Variants in SLC14A2 observed in about 807,000 individuals in gnomAD.
SLC14A2 encodes solute carrier family 14 member 2, also known as urea transporter 2.
In SLC14A2, 91 loss-of-function variants were observed where a neutral mutation model predicts 104.6. The observed-to-expected ratio is 0.87, with a 90% CI of 0.73 to 1.04. The LOEUF is 1.04. SLC14A2 is among the 50% of genes least tolerant of loss of function. The pLI, the probability that SLC14A2 is intolerant of heterozygous loss-of-function variation, is 0.00. For synonymous variants in SLC14A2, 476 were observed against 466.4 expected (o/e 1.02, Z -0.27); for missense variants, 1,189 against 1,156.0 (o/e 1.03, Z -0.41).
chr18:45,177,115 T>TGTCTC, the SLC14A2 span, among the ~76,000 whole-genome samples: 5 of 152,198 alleles, frequency 3.3e-5, no homozygotes, highest in African/African-American at 1.2e-4. Flanking sequence ...CACTCTTCTT[T>TGTCTC]GTCTCCATTC....
At position 45,277,705 on chromosome 18, in the gene SLC14A2, G is replaced by A. The variant is rs191642257; in HGVS notation, c.-125+64514G>A. Reference sequence around the variant, plus strand: ...CTTACAGGCATGAGCCACCGTGACCGGCCTACCTAGTTTGTCTAAGCCTCA... The same window carrying A: ...CTTACAGGCATGAGCCACCGTGACCAGCCTACCTAGTTTGTCTAAGCCTCA... On this transcript the variant is annotated intron_variant, in intron 1 of 20. Coordinates refer to the SLC14A2 transcript ENST00000586448. 1.0e-3 allele frequency among the ~76,000 whole-genome samples: 152 copies of A among 152,230 alleles called. 1 individual carries two copies. The highest frequency in any genetic ancestry group is 3.5e-3 in the African/African-American group (145 of 41,536).
intron 1 of SLC14A2, among the ~76,000 whole-genome samples, chr18:45,395,854 C>G (rs1362837): frequency 0.14 from 22,035 of 152,124 alleles, 2,359 homozygotes; most frequent in African/African-American, 0.29. Context: ...TTCACCCTAA[C>G]TATTCTCTCT....
intron 1 of SLC14A2, among the ~76,000 whole-genome samples, chr18:45,348,521 G>A (rs139538807): frequency 2.3e-4 from 35 of 152,188 alleles, no homozygotes; most frequent in African/African-American, 8.4e-4. Flanking sequence ...ATATCCTATG[G>A]CTGGAATTAT....
chr18:45,621,444 T>C (rs1286479535), intron 1 of SLC14A2, among the ~76,000 whole-genome samples: 3 of 152,236 alleles, frequency 2.0e-5, no homozygotes, highest in Non-Finnish European at 4.4e-5. Context: ...GGGTTCTGCC[T>C]GCAGAAAATG....
chr18:45,223,829 T>A (rs2084087458), intron 1 of SLC14A2, among the ~76,000 whole-genome samples: 2 of 152,222 alleles, frequency 1.3e-5, no homozygotes, highest in Non-Finnish European at 2.9e-5. Context: ...TAGACTCTTC[T>A]GAGCTGAAGT....
chr18:45,426,335 A>C (rs1405172851), intron 1 of SLC14A2, among the ~76,000 whole-genome samples: 1 of 152,062 alleles, frequency 6.6e-6, no homozygotes, highest in African/African-American at 2.4e-5. Flanking sequence ...CATCTAACTT[A>C]TCGAGTGCGT....
intron 2 of SLC14A2, among the ~76,000 whole-genome samples, chr18:45,500,526 G>A (rs1276975791): frequency 7.1e-6 from 1 of 141,462 alleles, no homozygotes; most frequent in African/African-American, 2.6e-5. Context: ...GCAGTGAGCC[G>A]AGATCGCGCC....
intron 2 of SLC14A2, among the ~76,000 whole-genome samples, chr18:45,584,638 C>T (rs1455587720): frequency 2.6e-5 from 4 of 152,206 alleles, no homozygotes; most frequent in Admixed American, 6.5e-5. Context: ...CTCAAGGTGG[C>T]GAATGTAGGG....
chr18:45,327,492 G>T (rs11659257), intron 1 of SLC14A2, among the ~76,000 whole-genome samples: 1 of 151,816 alleles, frequency 6.6e-6, no homozygotes, highest in Non-Finnish European at 1.5e-5. Context: ...AACAGAAACC[G>T]TACTCAAATA....
rs141071636 is a variant in SLC14A2 at position 45,403,949 on chromosome 18, C to G, written c.-124-79284C>G. Among the ~76,000 whole-genome samples the G allele has an allele frequency of 1.6e-4, 24 of 152,306 alleles. No homozygotes were observed. In the East Asian group the frequency reaches 2.9e-3, roughly 18 times the overall value. On this transcript the variant is annotated intron_variant, in intron 1 of 20. Coordinates refer to the SLC14A2 transcript ENST00000586448. ...CATTTTGGCAATGACTCCTTTCTCC[C>G]TATATCTCTGTCCACACCAAGCATC... is the stretch of plus-strand genomic sequence containing the variant.
chr18:45,254,740 C>G (rs373964910), intron 1 of SLC14A2, among the ~76,000 whole-genome samples: 1 of 151,986 alleles, frequency 6.6e-6, no homozygotes, highest in Non-Finnish European at 1.5e-5. Flanking sequence ...TGTGGGGGAC[C>G]GTAAGCCATC....
intron 2 of SLC14A2, among the ~76,000 whole-genome samples, chr18:45,502,001 T>C (rs1161205554): frequency 2.0e-5 from 3 of 152,122 alleles, no homozygotes; most frequent in Admixed American, 6.5e-5. Context: ...GTAAATGTTA[T>C]TGGATTTTTC....
chr18:45,382,563 A>G (rs937818237), intron 1 of SLC14A2, among the ~76,000 whole-genome samples: 2 of 152,174 alleles, frequency 1.3e-5, no homozygotes, highest in Non-Finnish European at 2.9e-5. Context: ...TGTTACCTGG[A>G]GAATAAGGGA....
chr18:45,630,513 G>C (rs951428794), intron 4 of SLC14A2, among the ~76,000 whole-genome samples: 4 of 152,158 alleles, frequency 2.6e-5, no homozygotes, highest in Non-Finnish European at 4.4e-5. Context: ...TGGCACTGGA[G>C]TTGAACCCAA....
intron 2 of SLC14A2, among the ~76,000 whole-genome samples, chr18:45,577,161 G>A (rs1056097566): frequency 2.0e-5 from 3 of 151,484 alleles, no homozygotes; most frequent in African/African-American, 4.9e-5. Flanking sequence ...TTATCTCTAG[G>A]AATTAGCTAA....
intron 1 of SLC14A2, among the ~76,000 whole-genome samples, chr18:45,322,485 CAT>C (rs926885354): frequency 1.3e-5 from 2 of 152,286 alleles, no homozygotes; most frequent in African/African-American, 2.4e-5. Context: ...AACGTTCTGA[CAT>C]GTGGAATTTC....
At chr18:45,345,477 T>C (rs1014907830) in intron 1 of SLC14A2, among the ~76,000 whole-genome samples, 9 of 152,134 alleles carry the variant, frequency 5.9e-5, no homozygotes, top group Admixed American at 5.2e-4. Context: ...TGCAAAAGCT[T>C]CCCTACAAAG....
intron 1 of SLC14A2, among the ~76,000 whole-genome samples, chr18:45,246,541 A>G (rs145449762): frequency 7.2e-4 from 110 of 152,286 alleles, no homozygotes; most frequent in East Asian, 9.7e-4. Context: ...ACCTCTCACT[A>G]ACATTGCAGA....
intron 1 of SLC14A2, among the ~76,000 whole-genome samples, chr18:45,307,003 G>T (rs1250670693): frequency 2.0e-5 from 3 of 152,152 alleles, no homozygotes; most frequent in Non-Finnish European, 4.4e-5. Context: ...ACGATCTGCA[G>T]TGCAGGAGTT....
Sources: gnomAD v4.1 joint callset for allele counts (sites outside exome capture counted in the v4.1 genomes callset) on GRCh38, gnomAD v4.1.1 for gene constraint, MANE v1.5 for transcripts, NCBI Gene and HGNC (gene_info 2026-07-23, HGNC 2026-07-21) for gene names.